Variants in SF3A3 observed in about 807,000 individuals in gnomAD.
SF3A3 encodes SAP 61.
Under a neutral mutation model 85.8 loss-of-function variants are expected in SF3A3, and 9 were observed. That is an observed-to-expected ratio of 0.10 (90% CI 0.06 to 0.18). SF3A3 has a LOEUF of 0.18. SF3A3 is among the 10% of genes least tolerant of loss of function. The probability of loss-of-function intolerance (pLI) is 1.00; values close to 1 mark genes in which losing one functional copy is unlikely to be tolerated. For missense variants in SF3A3, 306 were observed against 593.3 expected, an observed-to-expected ratio of 0.52 and a Z score of 5.03; for synonymous variants, 195 against 204.4, an observed-to-expected ratio of 0.95 and a Z score of 0.39.
At chr1:37,964,813 T>C (rs186984627) in intron 15 of SF3A3, among the ~76,000 whole-genome samples, 16 of 152,324 alleles carry the variant, frequency 1.1e-4, no homozygotes, top group African/African-American at 3.8e-4. Context: ...TGTGTTTCTA[T>C]AGCCTCAAAC....
At chr1:37,973,269 T>C (rs1048540315) in intron 12 of SF3A3, among the ~76,000 whole-genome samples, 4 of 152,052 alleles carry the variant, frequency 2.6e-5, no homozygotes, top group Non-Finnish European at 5.9e-5. Flanking sequence ...GGCAATACCA[T>C]TCAGGCCATA....
intron 1 of SF3A3, 112 bp downstream of exon 1, chr1:37,989,758 G>C (rs1646482452): frequency 4.1e-6 from 5 of 1,220,556 alleles, no homozygotes; most frequent in Admixed American, 1.9e-5. Context: ...AGCTCGGAGA[G>C]GGAGCCCGGA....
intron 12 of SF3A3, among the ~76,000 whole-genome samples, chr1:37,974,798 C>T (rs893403899): frequency 3.3e-5 from 5 of 152,156 alleles, no homozygotes; most frequent in South Asian, 2.1e-4. Flanking sequence ...GAGTTTTCTC[C>T]GACCATTCCC....
intron 15 of SF3A3, among the ~76,000 whole-genome samples, chr1:37,963,008 A>T (rs1358069427): frequency 6.6e-6 from 1 of 151,990 alleles, no homozygotes; most frequent in Non-Finnish European, 1.5e-5. Context: ...GAATCGCTTG[A>T]ACACAGGAGG....
rs1194090400 is a variant in SF3A3 at position 37,963,717 on chromosome 1, C to T, written c.1373-3542G>A. Among the ~76,000 whole-genome samples, 8 of 150,832 alleles carry T rather than the reference C, an allele frequency of 5.3e-5. No individual in the cohort carries two copies. The East Asian group carries it at 1.0e-3, about 19-fold the overall frequency. ...GACTACAGGCGCCCGCCACAACGTC[C>T]GACTAATTTTTTGTATTTTTAGTAG... On this transcript the variant is annotated intron_variant, in intron 15 of 16. Coordinates refer to ENST00000373019, the MANE Select transcript of SF3A3 (RefSeq NM_006802.4).
chr1:37,976,529 C>T (rs1646381115), intron 12 of SF3A3, among the ~76,000 whole-genome samples: 1 of 152,096 alleles, frequency 6.6e-6, no homozygotes, highest in African/African-American at 2.4e-5. Flanking sequence ...ACTGAAAGGC[C>T]ACTTTGAGTA....
At chr1:37,975,255 C>G (rs184432065) in intron 12 of SF3A3, among the ~76,000 whole-genome samples, 1 of 152,164 alleles carries the variant, frequency 6.6e-6, no homozygotes, top group Admixed American at 6.6e-5. Flanking sequence ...GAGAGGCCGT[C>G]GAGTGGCTCC....
At position 37,979,545 on chromosome 1, in the gene SF3A3, A is replaced by C. The variant is rs752475037; in HGVS notation, c.691-12T>G. On this transcript the variant is annotated splice_polypyrimidine_tract_variant and intron_variant, in intron 8 of 16. Transcript: ENST00000373019. ...CTGCTTGTCTCTTTCTGGAAAGAAC[A>C]ATATGGTATTTATTAAGATCCAGGT... 1.2e-6 allele frequency: 2 copies of C among 1,603,930 alleles called. No individual in the cohort carries two copies. The highest frequency in any genetic ancestry group is 2.7e-5 in the African/African-American group (2 of 74,832).
Position 37,958,050 on chromosome 1 carries a change from T to G in SF3A3, c.*136A>C. 1 of 649,332 alleles carries G rather than the reference T, an allele frequency of 1.5e-6. No homozygotes were observed. Among genetic ancestry groups the G allele is most frequent in the South Asian group, 1.8e-5 (1 of 55,378 alleles). 40.2% of individuals were successfully genotyped at this position (649,332 alleles called of 1,614,324 possible). On this transcript the variant is annotated 3_prime_UTR_variant, in exon 17 of 17. Coordinates refer to ENST00000373019, the MANE Select transcript of SF3A3 (RefSeq NM_006802.4). ...AACCCTGCAATCTGCCAGCATGCCT[T>G]GTTTCTACAAGATGCATGCTAGACC...
In SF3A3 at chr1:37,984,793, T is replaced by G. The variant is rs926747400; in HGVS notation, c.304-14A>C. The G allele has an allele frequency of 6.2e-7, 1 of 1,608,848 alleles. No homozygotes were observed. ...TGGCACACAGATCTGAGGGGAAAAG[T>G]AAAAGCTCAGGTGGATTTTTCTTTT... On this transcript the variant is annotated splice_polypyrimidine_tract_variant and intron_variant, in intron 4 of 16. Coordinates refer to ENST00000373019, the MANE Select transcript of SF3A3 (RefSeq NM_006802.4).
At chr1:37,972,033 AG>A (rs1646348149) in intron 12 of SF3A3, among the ~76,000 whole-genome samples, 1 of 152,030 alleles carries the variant, frequency 6.6e-6, no homozygotes, top group Non-Finnish European at 1.5e-5. Flanking sequence ...AAAGAAATAA[AG>A]GGTATTCAAT....
At chr1:37,986,582 T>C (rs78367717) in intron 4 of SF3A3, among the ~76,000 whole-genome samples, 10 of 151,574 alleles carry the variant, frequency 6.6e-5, no homozygotes, top group African/African-American at 2.4e-4. Flanking sequence ...GAGGCCGAGG[T>C]GGGCGGATCA....
chr1:37,970,246 A>T (rs907855334), intron 12 of SF3A3, among the ~76,000 whole-genome samples: 1 of 151,110 alleles, frequency 6.6e-6, no homozygotes, highest in African/African-American at 2.4e-5. Flanking sequence ...TTGAGGATGC[A>T]GTGAGCTCTG....
In SF3A3 at chr1:37,957,179, C is replaced by G. The variant is rs1312799816; in HGVS notation, c.*1007G>C. 1.3e-5 allele frequency: 2 copies of G among 152,094 alleles called. No homozygotes were observed. Among genetic ancestry groups the G allele is most frequent in the Non-Finnish European group, 2.9e-5 (2 of 68,064 alleles). The allele number at this position is 152,094 out of a possible 1,614,324, so 9.4% of individuals were successfully genotyped here. A position where few individuals can be genotyped will look rare whatever the true frequency, so the allele number is the denominator to read the frequency against. On this transcript the variant is annotated 3_prime_UTR_variant, in exon 17 of 17. Coordinates refer to ENST00000373019, the MANE Select transcript of SF3A3 (RefSeq NM_006802.4). ...TCCTGGGGCAGCTGCTCAACTCTAC[C>G]CAACTCTACCATGGCTACCTGGGAT...
At chr1:37,969,244 T>A in intron 14 of SF3A3, 110 bp downstream of exon 14, 1 of 760,294 alleles carries the variant, frequency 1.3e-6, no homozygotes. Context: ...CTTCTCTGAT[T>A]CCCTTCAGCT....
rs770746956 is a variant in SF3A3 at position 37,969,357 on chromosome 1, A to G, written c.1278T>C (p.Phe426=). ...YRGPKAFQRH[F]AEWRHAHGMR... is the part of the protein sequence containing the mutation. ...AAAATGGCTCTGAATTCCTTACAGCAAAGTGTCGCTGGAAGGCTTTGGGCC... is the reference window on the plus strand; with the variant it reads ...AAAATGGCTCTGAATTCCTTACAGCGAAGTGTCGCTGGAAGGCTTTGGGCC... The change falls in exon 14 of 17, where the codon TTT becomes TTC. Residue 426 remains phenylalanine, a synonymous_variant. Transcript: ENST00000373019. The G allele has an allele frequency of 5.0e-6, 8 of 1,604,516 alleles. No individual in the cohort carries two copies. The highest frequency in any genetic ancestry group is 1.3e-5 in the African/African-American group (1 of 74,718).
rs766594402 is a variant in SF3A3 at position 37,980,619 on chromosome 1, C to A, written c.657G>T (p.Lys219Asn). The change falls in exon 8 of 17, where the codon AAG (lysine) becomes AAT (asparagine). Residue 219 changes from lysine (K) to asparagine (N), a missense_variant. Physicochemically the swap from Lys to Asn is moderately conservative, Grantham distance 94. Transcript: ENST00000373019. ...CAGGAAAGGTCCCATTCTCCCATTT[C>A]TTCTCAAACTCAGCCTGAATCTTCC... ...LFGKIQAEFEKKWENGTFPGW... is the reference protein window; with the variant it reads ...LFGKIQAEFENKWENGTFPGW... The A allele has an allele frequency of 6.2e-7, 1 of 1,614,116 alleles. No individual in the cohort carries two copies. Among genetic ancestry groups the A allele is most frequent in the South Asian group, 1.1e-5 (1 of 91,086 alleles).
intron 6 of SF3A3, 58 bp downstream of exon 6, chr1:37,984,110 GC>G: frequency 1.2e-6 from 1 of 869,270 alleles, no homozygotes. Flanking sequence ...GCTAGTTCCA[GC>G]CTACTGTCCT....
chr1:37,973,181 A>C (rs1178685458), intron 12 of SF3A3, among the ~76,000 whole-genome samples: 1 of 152,174 alleles, frequency 6.6e-6, no homozygotes, highest in African/African-American at 2.4e-5. Flanking sequence ...TCTGTCTCCA[A>C]CAAAAAAAAG....
Sources: gnomAD v4.1 joint callset for allele counts (sites outside exome capture counted in the v4.1 genomes callset) on GRCh38, gnomAD v4.1.1 for gene constraint, MANE v1.5 for transcripts, NCBI Gene and HGNC (gene_info 2026-07-23, HGNC 2026-07-21) for gene names.